The following MYLK4 variants were observed in gnomAD, a reference collection of about 807,000 sequenced individuals.
The protein encoded by MYLK4 is caMLCK like.
A neutral mutation model predicts 48.1 loss-of-function variants in MYLK4; 46 were observed. The ratio of observed to expected loss-of-function variants is 0.96; its 90% CI spans 0.75 to 1.22. The LOEUF (loss-of-function observed/expected upper bound fraction) is 1.22, where lower values mean the gene tolerates loss of function less well. MYLK4 is among the 50% of genes most tolerant of loss of function. MYLK4 has a pLI of 0.00. For synonymous variants in MYLK4, 170 were observed against 180.8 expected (o/e 0.94, Z 0.48); for missense variants, 451 against 486.1 (o/e 0.93, Z 0.68).
At chr6:2,763,533 C>G in the MYLK4 span, among the ~76,000 whole-genome samples, 1 of 152,356 alleles carries the variant, frequency 6.6e-6, no homozygotes, top group Non-Finnish European at 1.5e-5. Flanking sequence ...CCTCACCGTC[C>G]TGGGCCGGTG....
chr6:2,687,136 G>A (rs1021612525), intron 4 of MYLK4, among the ~76,000 whole-genome samples: 1 of 152,188 alleles, frequency 6.6e-6, no homozygotes, highest in African/African-American at 2.4e-5. Context: ...GAAAATTCAG[G>A]GGCCTGCCCC....
At chr6:2,765,001 G>A in the MYLK4 span, among the ~76,000 whole-genome samples, 1 of 152,118 alleles carries the variant, frequency 6.6e-6, no homozygotes, top group Non-Finnish European at 1.5e-5. Flanking sequence ...GCCGCCTCCT[G>A]CTTGTCCCCA....
intron 2 of MYLK4, among the ~76,000 whole-genome samples, chr6:2,737,498 G>A (rs181896375): frequency 9.5e-4 from 145 of 152,306 alleles, no homozygotes; most frequent in Non-Finnish European, 1.8e-3. Context: ...CACATCCTTA[G>A]AGGACAGTTG....
chr6:2,683,831 C>T (rs1431429458), intron 6 of MYLK4, among the ~76,000 whole-genome samples: 1 of 152,090 alleles, frequency 6.6e-6, no homozygotes, highest in African/African-American at 2.4e-5. Context: ...GAACTCCAAG[C>T]CCTGACTGAA....
intron 2 of MYLK4, among the ~76,000 whole-genome samples, chr6:2,731,269 T>C (rs1763470058): frequency 6.6e-6 from 1 of 152,012 alleles, no homozygotes; most frequent in Admixed American, 6.6e-5. Flanking sequence ...AAAAAAATGG[T>C]TGGAATATTA....
intron 2 of MYLK4, among the ~76,000 whole-genome samples, chr6:2,704,393 C>T (rs555729004): frequency 6.6e-6 from 1 of 152,200 alleles, no homozygotes; most frequent in African/African-American, 2.4e-5. Context: ...CTTCTCAGAC[C>T]TTTGTAGAAA....
At chr6:2,735,435 G>C (rs979090937) in intron 2 of MYLK4, among the ~76,000 whole-genome samples, 2 of 152,176 alleles carry the variant, frequency 1.3e-5, no homozygotes, top group Non-Finnish European at 2.9e-5. Context: ...CTATATGAAG[G>C]CTGGCCCTAT....
intron 2 of MYLK4, among the ~76,000 whole-genome samples, chr6:2,747,459 C>G (rs1451073594): frequency 6.6e-6 from 1 of 152,154 alleles, no homozygotes; most frequent in African/African-American, 2.4e-5. Flanking sequence ...AATCCTCCTG[C>G]CTCAGCCTCC....
chr6:2,683,237 C>T (rs940682728), intron 6 of MYLK4, 75 bp from the exon 7 acceptor site: 27 of 1,534,392 alleles, frequency 1.8e-5, no homozygotes, highest in Admixed American at 1.1e-4. Flanking sequence ...AGTGACTTGT[C>T]GTGCAAGTTC....
chr6:2,753,664 A>G (rs966056126), upstream of MYLK4, among the ~76,000 whole-genome samples: 1 of 45,382 alleles, frequency 2.2e-5, no homozygotes, highest in Non-Finnish European at 4.8e-5. Flanking sequence ...CATCTAGCAT[A>G]TACAACTTAA....
intron 2 of MYLK4, among the ~76,000 whole-genome samples, chr6:2,711,182 T>C (rs1762661794): frequency 6.6e-6 from 1 of 152,228 alleles, no homozygotes; most frequent in South Asian, 2.1e-4. Flanking sequence ...AATTAACACG[T>C]ATCAGTGCCA....
chr6:2,714,451 G>A (rs770036806), intron 2 of MYLK4, among the ~76,000 whole-genome samples: 1 of 152,236 alleles, frequency 6.6e-6, no homozygotes, highest in Non-Finnish European at 1.5e-5. Flanking sequence ...CTGCCTATGA[G>A]TCAGCCCTGC....
upstream of MYLK4, among the ~76,000 whole-genome samples, chr6:2,754,060 C>A (rs1189332597): frequency 1.3e-5 from 2 of 149,934 alleles, no homozygotes; most frequent in African/African-American, 4.9e-5. Flanking sequence ...AAAACTGGAA[C>A]CCTCACCAAA....
At position 2,716,767 on chromosome 6, in the gene MYLK4, T is replaced by A. The variant is rs1762879571; in HGVS notation, c.160-23908A>T. 2.6e-5 allele frequency among the ~76,000 whole-genome samples: 4 copies of A among 152,348 alleles called. No homozygotes were observed. In the South Asian group the frequency reaches 8.3e-4, roughly 32 times the overall value. ...TGGACAAGCTATACCTTTCTGTACC[T>A]CAATTTTCACCTGTAAAATGAGGAT... is the stretch of plus-strand genomic sequence containing the variant. On this transcript the variant is annotated intron_variant, in intron 2 of 12. Coordinates refer to ENST00000274643, the MANE Select transcript of MYLK4 (RefSeq NM_001012418.5).
At chr6:2,764,088 C>A in the MYLK4 span, among the ~76,000 whole-genome samples, 3 of 152,170 alleles carry the variant, frequency 2.0e-5, no homozygotes, top group Middle Eastern at 3.2e-3. Context: ...GCTGAGATTG[C>A]GCCATTGCAC....
chr6:2,702,154 G>A (rs762082576), intron 2 of MYLK4, among the ~76,000 whole-genome samples: 23 of 152,162 alleles, frequency 1.5e-4, no homozygotes, highest in Non-Finnish European at 5.9e-5. Context: ...CTGGAGCTCA[G>A]GGAAGAGCAT....
chr6:2,680,417 G>T, intron 7 of MYLK4, 126 bp from the exon 8 acceptor site: 2 of 1,542,868 alleles, frequency 1.3e-6, no homozygotes, highest in South Asian at 1.2e-5. Context: ...TTCGGGGCGG[G>T]CTTGTCCGTG....
At chr6:2,693,960 C>T (rs1320170570) in intron 2 of MYLK4, among the ~76,000 whole-genome samples, 1 of 151,990 alleles carries the variant, frequency 6.6e-6, no homozygotes. Flanking sequence ...GGTTTTGCCA[C>T]ATTTGCCAGA....
chr6:2,680,949 G>C (rs1175106860), intron 7 of MYLK4, among the ~76,000 whole-genome samples: 4 of 152,152 alleles, frequency 2.6e-5, no homozygotes, highest in Non-Finnish European at 5.9e-5. Flanking sequence ...CTGCTGACCT[G>C]ACAGTCTTGG....
Sources: gnomAD v4.1 joint callset for allele counts (sites outside exome capture counted in the v4.1 genomes callset) on GRCh38, gnomAD v4.1.1 for gene constraint, MANE v1.5 for transcripts, NCBI Gene and HGNC (gene_info 2026-07-23, HGNC 2026-07-21) for gene names.